The following ZNF385D variants were observed in gnomAD, a reference collection of about 807,000 sequenced individuals.
ZNF385D encodes the protein zinc finger protein 385D.
In ZNF385D, 15 loss-of-function variants were observed where a neutral mutation model predicts 35.8. That is an observed-to-expected ratio of 0.42 (90% CI 0.28 to 0.64). The LOEUF is 0.64. Among genes scored for constraint, ZNF385D ranks in the 30% least tolerant of loss-of-function variants. The probability of loss-of-function intolerance (pLI) is 0.23; values close to 1 mark genes in which losing one functional copy is unlikely to be tolerated. For synonymous variants in ZNF385D, 212 were observed against 186.8 expected, an observed-to-expected ratio of 1.13 and a Z score of -1.10; for missense variants, 474 against 494.6, an observed-to-expected ratio of 0.96 and a Z score of 0.39.
chr3:21,996,649 T>C (rs1299014187), intron 3 of ZNF385D, among the ~76,000 whole-genome samples: 1 of 152,220 alleles, frequency 6.6e-6, no homozygotes, highest in Non-Finnish European at 1.5e-5. Flanking sequence ...GTTGTAGTTG[T>C]TCAGACTTCA....
intron 1 of ZNF385D, among the ~76,000 whole-genome samples, chr3:21,730,855 TA>T (rs1469850698): frequency 6.6e-6 from 1 of 151,636 alleles, no homozygotes; most frequent in African/African-American, 2.4e-5. Context: ...AAAATACAGA[TA>T]TGCTTATTTT....
intron 2 of ZNF385D, among the ~76,000 whole-genome samples, chr3:21,600,469 A>G (rs942608334): frequency 6.6e-6 from 1 of 152,216 alleles, no homozygotes; most frequent in Non-Finnish European, 1.5e-5. Flanking sequence ...AAAACCCCAG[A>G]ACAAGACCAC....
At chr3:21,944,983 A>G (rs553469710) in intron 3 of ZNF385D, among the ~76,000 whole-genome samples, 43 of 152,226 alleles carry the variant, frequency 2.8e-4, no homozygotes, top group African/African-American at 9.9e-4. Context: ...TTCCCTATCA[A>G]TATGAATCAT....
At chr3:22,215,053 G>A (rs1345048730) in intron 2 of ZNF385D, among the ~76,000 whole-genome samples, 1 of 151,840 alleles carries the variant, frequency 6.6e-6, no homozygotes, top group Non-Finnish European at 1.5e-5. Flanking sequence ...TTTGTACTCT[G>A]TCCCTTTATT....
chr3:21,809,152 T>C (rs1002795021), intron 3 of ZNF385D, among the ~76,000 whole-genome samples: 2 of 152,102 alleles, frequency 1.3e-5, no homozygotes, highest in African/African-American at 4.8e-5. Flanking sequence ...GACATAGATG[T>C]TGAAATTAGC....
chr3:22,372,080 G>A (rs1313629575), intron 2 of ZNF385D, among the ~76,000 whole-genome samples: 1 of 152,032 alleles, frequency 6.6e-6, no homozygotes, highest in Non-Finnish European at 1.5e-5. Flanking sequence ...CTTACCGGGT[G>A]GCCCAGCCCT....
chr3:22,275,817 G>T (rs1356406663), intron 2 of ZNF385D, among the ~76,000 whole-genome samples: 1 of 152,194 alleles, frequency 6.6e-6, no homozygotes, highest in Non-Finnish European at 1.5e-5. Context: ...GAGCACAGTG[G>T]CTCACGCCTG....
chr3:22,175,737 T>C (rs1694781972), intron 2 of ZNF385D, among the ~76,000 whole-genome samples: 1 of 151,598 alleles, frequency 6.6e-6, no homozygotes, highest in South Asian at 2.1e-4. Context: ...ATACATACTG[T>C]ATATATGTGT....
At chr3:21,495,953 A>G (rs949392692) in intron 4 of ZNF385D, among the ~76,000 whole-genome samples, 2 of 152,128 alleles carry the variant, frequency 1.3e-5, no homozygotes, top group East Asian at 3.9e-4. Context: ...CCTAGAAGAG[A>G]TGGATAAATT....
At chr3:21,469,994 GAA>G (rs1417713103) in intron 4 of ZNF385D, among the ~76,000 whole-genome samples, 1 of 152,110 alleles carries the variant, frequency 6.6e-6, no homozygotes, top group African/African-American at 2.4e-5. Context: ...GTGTTGATTT[GAA>G]AGCCAGATAA....
chr3:22,222,633 C>G (rs1698326341), intron 2 of ZNF385D, among the ~76,000 whole-genome samples: 2 of 152,146 alleles, frequency 1.3e-5, no homozygotes, highest in Admixed American at 1.3e-4. Context: ...ACTTACTGCT[C>G]TGAAGCTCAG....
At chr3:21,751,317 G>A (rs754406715), upstream of ZNF385D, 4 of 1,073,898 alleles carry the variant, frequency 3.7e-6, no homozygotes, top group Middle Eastern at 4.4e-4. Flanking sequence ...TGGCTCTCGG[G>A]AAGCTTTGAC....
intron 3 of ZNF385D, among the ~76,000 whole-genome samples, chr3:21,908,809 C>T (rs1699820800): frequency 1.3e-5 from 2 of 151,872 alleles, no homozygotes; most frequent in African/African-American, 4.8e-5. Context: ...ACAACCTTTG[C>T]CTGGGAAACA....
intron 2 of ZNF385D, among the ~76,000 whole-genome samples, chr3:22,176,917 T>C (rs1478099651): frequency 1.3e-5 from 2 of 152,178 alleles, no homozygotes. Flanking sequence ...ATCAGATATG[T>C]CTTAAATTTC....
intron 2 of ZNF385D, among the ~76,000 whole-genome samples, chr3:21,583,001 C>T (rs577825921): frequency 1.8e-4 from 27 of 152,174 alleles, no homozygotes; most frequent in African/African-American, 5.5e-4. Flanking sequence ...CTCCTTACCT[C>T]GTGATCTGCC....
At chr3:22,341,291 C>G (rs1256139951) in intron 2 of ZNF385D, among the ~76,000 whole-genome samples, 1 of 152,170 alleles carries the variant, frequency 6.6e-6, no homozygotes. Context: ...TGCCTGCCAC[C>G]TGCTTTTGTA....
intron 3 of ZNF385D, among the ~76,000 whole-genome samples, chr3:22,020,630 T>C (rs1697166535): frequency 6.6e-6 from 1 of 152,012 alleles, no homozygotes; most frequent in Non-Finnish European, 1.5e-5. Context: ...AAATAACAGA[T>C]ATTGGTGAGG....
At position 21,413,347 on chromosome 3, in the gene ZNF385D, T is replaced by A. The variant is rs1178846314; in HGVS notation, c.*7867A>T. ...ACTCAAGTCAGACTTCCAGATACAT[T>A]GATAAAGATGGAACAGGCAAGTTTG... On this transcript the variant is annotated 3_prime_UTR_variant, in exon 8 of 8. Transcript: ENST00000281523. The A allele has an allele frequency of 1.3e-5, 2 of 152,092 alleles. No homozygotes were observed. The highest frequency in any genetic ancestry group is 2.9e-5 in the Non-Finnish European group (2 of 67,994). 9.4% of individuals were successfully genotyped at this position (152,092 alleles called of 1,614,324 possible).
At chr3:21,857,568 C>A (rs1293772917) in intron 3 of ZNF385D, among the ~76,000 whole-genome samples, 2 of 151,752 alleles carry the variant, frequency 1.3e-5, no homozygotes, top group South Asian at 2.1e-4. Context: ...AAGAGGAAGT[C>A]GTGGGACTAA....
Sources: gnomAD v4.1 joint callset for allele counts (sites outside exome capture counted in the v4.1 genomes callset) on GRCh38, gnomAD v4.1.1 for gene constraint, MANE v1.5 for transcripts, NCBI Gene and HGNC (gene_info 2026-07-23, HGNC 2026-07-21) for gene names.